The following IL1RAPL2 variants were observed in gnomAD, a reference collection of about 807,000 sequenced individuals.
IL1RAPL2 encodes X-linked interleukin-1 receptor accessory protein-like 2.
In IL1RAPL2, 3 loss-of-function variants were observed where a neutral mutation model predicts 44.1. That is an observed-to-expected ratio of 0.07 (90% CI 0.03 to 0.18). The LOEUF (loss-of-function observed/expected upper bound fraction) is 0.18. Ranked by LOEUF, IL1RAPL2 falls within the 10% of genes least tolerant of loss-of-function variation. IL1RAPL2 has a pLI of 1.00. For missense variants in IL1RAPL2, 391 were observed against 496.4 expected (o/e 0.79, Z 2.02); for synonymous variants, 181 against 178.8 (o/e 1.01, Z -0.10).
chrX:105,297,609 A>G (rs1446889354), intron 5 of IL1RAPL2, among the ~76,000 whole-genome samples: 1 of 110,173 alleles, frequency 9.1e-6, no homozygotes, highest in Non-Finnish European at 1.9e-5. Flanking sequence ...ACCAGATCTC[A>G]TGAGAACTCC....
At chrX:105,419,038 G>A (rs2035754992) in intron 5 of IL1RAPL2, among the ~76,000 whole-genome samples, 1 of 111,896 alleles carries the variant, frequency 8.9e-6, no homozygotes. Flanking sequence ...AACTAGATTG[G>A]TTTTATATTT....
At chrX:105,448,806 T>C (rs1316673599) in intron 5 of IL1RAPL2, among the ~76,000 whole-genome samples, 1 of 111,221 alleles carries the variant, frequency 9.0e-6, no homozygotes, top group Non-Finnish European at 1.9e-5. Flanking sequence ...TTCTTTCTTC[T>C]GCTTGATCAG....
chrX:104,996,662 G>C (rs1250936494), intron 2 of IL1RAPL2, among the ~76,000 whole-genome samples: 1 of 111,929 alleles, frequency 8.9e-6, no homozygotes, highest in Non-Finnish European at 1.9e-5. Context: ...TTTAACAAAT[G>C]GTTATTAAGT....
At chrX:104,677,869 TC>T (rs1210787573) in intron 2 of IL1RAPL2, among the ~76,000 whole-genome samples, 3 of 112,107 alleles carry the variant, frequency 2.7e-5, no homozygotes, top group Non-Finnish European at 3.8e-5. Context: ...CCAGGTGCCC[TC>T]CGTCACCCCT....
At chrX:105,511,003 A>G (rs770022545) in intron 6 of IL1RAPL2, among the ~76,000 whole-genome samples, 2 of 111,761 alleles carry the variant, frequency 1.8e-5, no homozygotes, top group Non-Finnish European at 3.8e-5. Flanking sequence ...CCAACACCAT[A>G]TAGAGAGTCC....
chrX:105,507,850 A>G (rs2036441913), intron 6 of IL1RAPL2, among the ~76,000 whole-genome samples: 1 of 112,391 alleles, frequency 8.9e-6, no homozygotes, highest in Non-Finnish European at 1.9e-5. Context: ...AAACTTTACC[A>G]AAGTTAAAAA....
chrX:105,632,682 C>T (rs912388677), intron 6 of IL1RAPL2, among the ~76,000 whole-genome samples: 1 of 111,585 alleles, frequency 9.0e-6, no homozygotes, highest in Non-Finnish European at 1.9e-5. Context: ...TACTAGAGTT[C>T]TGATAGGCTG....
chrX:105,668,050 T>C (rs1211756999), intron 6 of IL1RAPL2, among the ~76,000 whole-genome samples: 1 of 71,104 alleles, frequency 1.4e-5, no homozygotes, highest in Admixed American at 1.8e-4. Context: ...TTTGTGAATA[T>C]GGGGTGGGGG....
chrX:104,853,141 A>C (rs1922270669), intron 2 of IL1RAPL2, among the ~76,000 whole-genome samples: 1 of 112,433 alleles, frequency 8.9e-6, no homozygotes, highest in East Asian at 2.8e-4. Context: ...AAGCTGCACA[A>C]TGCTAGGTAC....
intron 5 of IL1RAPL2, among the ~76,000 whole-genome samples, chrX:105,439,063 C>A (rs1428458934): frequency 9.0e-6 from 1 of 111,391 alleles, no homozygotes; most frequent in Non-Finnish European, 1.9e-5. Context: ...GTAAGACATG[C>A]CTTGCTTCCC....
chrX:105,464,223 A>G (rs1469976215), intron 5 of IL1RAPL2, among the ~76,000 whole-genome samples: 1 of 112,325 alleles, frequency 8.9e-6, no homozygotes, highest in East Asian at 2.8e-4. Context: ...AGTTCTTACT[A>G]TGTGCCAGGC....
chrX:105,395,739 T>G (rs932297735), intron 5 of IL1RAPL2, among the ~76,000 whole-genome samples: 2 of 112,071 alleles, frequency 1.8e-5, no homozygotes, highest in Non-Finnish European at 3.8e-5. Context: ...ACCCACCCAG[T>G]TTTTTAAGTC....
intron 1 of IL1RAPL2, among the ~76,000 whole-genome samples, chrX:104,616,525 A>G (rs1300744558): frequency 8.9e-6 from 1 of 112,304 alleles, no homozygotes; most frequent in East Asian, 2.8e-4. Flanking sequence ...TTTGAAAGTC[A>G]TGCGGCTGGA....
intron 2 of IL1RAPL2, among the ~76,000 whole-genome samples, chrX:104,772,886 G>T (rs1388822210): frequency 9.0e-6 from 1 of 111,374 alleles, no homozygotes; most frequent in Admixed American, 9.5e-5. Flanking sequence ...AAATACTTCA[G>T]GGTACCACAG....
intron 10 of IL1RAPL2, among the ~76,000 whole-genome samples, chrX:105,761,186 A>G (rs1380671885): frequency 9.5e-6 from 1 of 105,243 alleles, no homozygotes; most frequent in Non-Finnish European, 1.9e-5. Context: ...CTCAAAAAAA[A>G]AAAAAAAAGA....
chrX:104,809,088 T>A (rs984715151), intron 2 of IL1RAPL2, among the ~76,000 whole-genome samples: 1 of 112,138 alleles, frequency 8.9e-6, no homozygotes, highest in East Asian at 2.8e-4. Flanking sequence ...AGTTGTTTAC[T>A]TTTACCTGAA....
chrX:104,671,475 G>A (rs751006664), intron 2 of IL1RAPL2, among the ~76,000 whole-genome samples: 21 of 111,272 alleles, frequency 1.9e-4, no homozygotes, highest in South Asian at 3.8e-4. Flanking sequence ...TGTACCTTTC[G>A]TTGGATTGCC....
chrX:104,652,342 C>T (rs1404284600), intron 1 of IL1RAPL2, among the ~76,000 whole-genome samples: 1 of 111,960 alleles, frequency 8.9e-6, no homozygotes, highest in Non-Finnish European at 1.9e-5. Context: ...CCATGTTAGA[C>T]AAGAGATGTT....
chrX:105,450,220 A>C (rs1017078633), intron 5 of IL1RAPL2, among the ~76,000 whole-genome samples: 1 of 111,600 alleles, frequency 9.0e-6, no homozygotes, highest in African/African-American at 3.3e-5. Flanking sequence ...AAAGTCCCCA[A>C]GTCACTGCAC....
Sources: gnomAD v4.1 joint callset for allele counts (sites outside exome capture counted in the v4.1 genomes callset) on GRCh38, gnomAD v4.1.1 for gene constraint, MANE v1.5 for transcripts, NCBI Gene and HGNC (gene_info 2026-07-23, HGNC 2026-07-21) for gene names.